YARS1: variants seen among roughly 807,000 people sequenced by gnomAD.
YARS1 encodes tyrosine--tRNA ligase, cytoplasmic.
Under a neutral mutation model 62.2 loss-of-function variants are expected in YARS1, and 36 were observed. That is an observed-to-expected ratio of 0.58 (90% CI 0.44 to 0.76). The LOEUF (loss-of-function observed/expected upper bound fraction) is 0.76, where lower values mean the gene tolerates loss of function less well. Among genes scored for constraint, YARS1 ranks in the 30% least tolerant of loss-of-function variants. YARS1 has a pLI of 0.00. For synonymous variants in YARS1, 234 were observed against 244.9 expected (o/e 0.96, Z 0.42); for missense variants, 524 against 639.8 (o/e 0.82, Z 1.95).
chr1:32,792,099 G>A (rs1653429218), intron 5 of YARS1, among the ~76,000 whole-genome samples: 2 of 152,320 alleles, frequency 1.3e-5, no homozygotes, highest in South Asian at 2.1e-4. Context: ...TATGCACATA[G>A]TGAGATACCA....
rs554417955 is a variant in YARS1, at chr1:32,790,635, CT to C, written c.684+526del. 8.7e-3 allele frequency: 1,211 copies of C among 139,214 alleles called. 5 individuals are homozygous for C. Among genetic ancestry groups the C allele is most frequent in the African/African-American group, 0.011 (418 of 37,672 alleles). 8.6% of individuals were successfully genotyped at this position (139,214 alleles called of 1,614,324 possible). ...CTCTATGGACAAGGTCTAATCAACACTTTTTTTTTTTTTTTTAAATTCCCTA... is the reference window on the plus strand; with the variant it reads ...CTCTATGGACAAGGTCTAATCAACACTTTTTTTTTTTTTTTAAATTCCCTA... On this transcript the variant is annotated intron_variant, in intron 6 of 12. Transcript: ENST00000373477.
At position 32,779,476 on chromosome 1, in the gene YARS1, G is replaced by A. The variant is rs1195459527; in HGVS notation, c.1382C>T (p.Ser461Phe). The A allele has an allele frequency of 6.2e-7, 1 of 1,614,078 alleles. No homozygotes were observed. Among genetic ancestry groups the A allele is most frequent in the Admixed American group, 1.7e-5 (1 of 60,002 alleles). The change falls in exon 12 of 13, where the codon TCT becomes TTT. Residue 461 changes from serine to phenylalanine, a missense_variant. Coordinates refer to ENST00000373477, the MANE Select transcript of YARS1 (RefSeq NM_003680.4). ...CACAAACACGTGCTCACCAGGAGCA[G>A]AGCCTGCCGGAGGGTCCAGAGGTTC... ...QVEPLDPPAGSAPGEHVFVKG... is the reference protein window; with the variant it reads ...QVEPLDPPAGFAPGEHVFVKG...
In YARS1 at chr1:32,797,027, T is replaced by A. The variant is rs1456944117; in HGVS notation, c.591+736A>T. ...ATATATATATATATATATATATATA[T>A]ATATATATATATATATATATATAGT... On this transcript the variant is annotated intron_variant, in intron 5 of 12. Transcript: ENST00000373477. Among the ~76,000 whole-genome samples, 31 of 56,230 alleles carry A rather than the reference T, an allele frequency of 5.5e-4. 1 individual carries two copies. Among genetic ancestry groups the A allele is most frequent in the African/African-American group, 8.5e-4 (11 of 12,902 alleles). The allele number at this position is 56,230 out of a possible 152,430, so 36.9% of individuals were successfully genotyped here.
Position 32,779,531 on chromosome 1 carries a change from G to GA in YARS1, c.1335-9dup. ...TGGCGGTTTATCCCTTCTCTGGGAA[G>GA]ACACAGGACAAGAGAAGAGTGAGGC... On this transcript the variant is annotated splice_polypyrimidine_tract_variant and intron_variant, in intron 11 of 12. Coordinates refer to ENST00000373477, the MANE Select transcript of YARS1 (RefSeq NM_003680.4). 6.2e-7 allele frequency: 1 copy of GA among 1,614,186 alleles called. No individual in the cohort carries two copies.
At chr1:32,785,520 G>A (rs1356916566) in intron 8 of YARS1, among the ~76,000 whole-genome samples, 1 of 151,814 alleles carries the variant, frequency 6.6e-6, no homozygotes, top group Non-Finnish European at 1.5e-5. Context: ...AAACCTAGCG[G>A]GCCAAGATGG....
At chr1:32,786,241 G>T in intron 8 of YARS1, 121 bp downstream of exon 8, 1 of 1,012,328 alleles carries the variant, frequency 9.9e-7, no homozygotes. Flanking sequence ...CAAAAGTAGA[G>T]CAAAAATAGC....
At chr1:32,805,106 C>A (rs908928317) in intron 4 of YARS1, among the ~76,000 whole-genome samples, 3 of 152,004 alleles carry the variant, frequency 2.0e-5, no homozygotes, top group African/African-American at 7.2e-5. Context: ...CACGCGCCTG[C>A]AATCCCAGGC....
At chr1:32,806,450 G>T in intron 4 of YARS1, 32 bp downstream of exon 4, 1 of 1,613,260 alleles carries the variant, frequency 6.2e-7, no homozygotes, top group Non-Finnish European at 8.5e-7. Flanking sequence ...GAGCAGAAAA[G>T]GTCATCGGGC....
chr1:32,789,470 T>C (rs1186632606), intron 6 of YARS1, among the ~76,000 whole-genome samples: 2 of 152,204 alleles, frequency 1.3e-5, no homozygotes, highest in Admixed American at 6.5e-5. Flanking sequence ...AGTGAGTTCA[T>C]GGTCATTTGA....
intron 4 of YARS1, among the ~76,000 whole-genome samples, chr1:32,803,667 A>G (rs1638365165): frequency 6.6e-6 from 1 of 152,010 alleles, no homozygotes; most frequent in Non-Finnish European, 1.5e-5. Context: ...CACCTTCATC[A>G]ATGATCTTAG....
rs1428209311 is a variant in YARS1 at position 32,811,070 on chromosome 1, C to T, written c.58-13G>A. ...CCCCCAGAACCTCCTATTGTGGAAG[C>T]AGAAGAGTTAGTTTAATGTCAGTGC... On this transcript the variant is annotated splice_polypyrimidine_tract_variant and intron_variant, in intron 1 of 12. Transcript: ENST00000373477. 3 of 1,613,896 alleles carry T rather than the reference C, an allele frequency of 1.9e-6. No individual in the cohort carries two copies. In the African/African-American group the frequency reaches 4.0e-5, roughly 22 times the overall value.
chr1:32,787,157 T>C, intron 6 of YARS1, 82 bp from the exon 7 acceptor site: 1 of 1,542,830 alleles, frequency 6.5e-7, no homozygotes, highest in East Asian at 2.4e-5. Context: ...ATTTTGTTTT[T>C]TCTTCTCTGT....
At chr1:32,796,250 C>T (rs561523190) in intron 5 of YARS1, among the ~76,000 whole-genome samples, 5 of 151,688 alleles carry the variant, frequency 3.3e-5, no homozygotes, top group East Asian at 1.9e-4. Flanking sequence ...GAGCCGAGAT[C>T]GCGCCACTGC....
chr1:32,779,930 G>A (rs2148599736), intron 11 of YARS1, 155 bp downstream of exon 11: 2 of 841,266 alleles, frequency 2.4e-6, no homozygotes, highest in Non-Finnish European at 2.0e-6. Context: ...GTACTTGTAC[G>A]ATAAGTCCTT....
chr1:32,796,958 T>A (rs77933298), intron 5 of YARS1, among the ~76,000 whole-genome samples: 2,562 of 41,888 alleles, frequency 0.061, 56 homozygotes, highest in Middle Eastern at 0.22. Context: ...ATAGCGAAAC[T>A]CAGTCTCAAA....
intron 3 of YARS1, among the ~76,000 whole-genome samples, chr1:32,808,369 C>T (rs1638509994): frequency 6.6e-6 from 1 of 151,926 alleles, no homozygotes; most frequent in South Asian, 2.1e-4. Flanking sequence ...CAGGCGTGCA[C>T]CACCACACCT....
intron 6 of YARS1, among the ~76,000 whole-genome samples, chr1:32,789,738 G>GCCA (rs920017676): frequency 2.0e-4 from 30 of 151,612 alleles, no homozygotes; most frequent in African/African-American, 6.3e-4. Context: ...ACAGGTGCAT[G>GCCA]CCACCACACC....
At chr1:32,811,153 G>A in intron 1 of YARS1, 96 bp from the exon 2 acceptor site, 1 of 1,579,394 alleles carries the variant, frequency 6.3e-7, no homozygotes, top group Non-Finnish European at 8.7e-7. Flanking sequence ...TGTCAGTGGA[G>A]ATCCAGGCTC....
chr1:32,784,197 T>A (rs1355803200), intron 8 of YARS1, among the ~76,000 whole-genome samples: 1 of 149,774 alleles, frequency 6.7e-6, no homozygotes, highest in Non-Finnish European at 1.5e-5. Context: ...TTTTTTTTTG[T>A]AGAGACAGAG....
Sources: gnomAD v4.1 joint callset for allele counts (sites outside exome capture counted in the v4.1 genomes callset) on GRCh38, gnomAD v4.1.1 for gene constraint, MANE v1.5 for transcripts, NCBI Gene and HGNC (gene_info 2026-07-23, HGNC 2026-07-21) for gene names.